The following L3HYPDH variants were observed in gnomAD, a reference collection of about 807,000 sequenced individuals.
L3HYPDH encodes trans-L-3-hydroxyproline dehydratase, also known as trans-3-hydroxy-L-proline dehydratase.
Under a neutral mutation model 26.5 loss-of-function variants are expected in L3HYPDH, and 32 were observed. That is an observed-to-expected ratio of 1.21 (90% CI 0.91 to 1.62). L3HYPDH has a LOEUF of 1.62. Ranked by LOEUF, L3HYPDH falls within the 40% of genes most tolerant of loss-of-function variation. The probability of loss-of-function intolerance (pLI) is 0.00; values close to 1 mark genes in which losing one functional copy is unlikely to be tolerated. For synonymous variants in L3HYPDH, 215 were observed against 196.6 expected (o/e 1.09, Z -0.78); for missense variants, 554 against 476.4 (o/e 1.16, Z -1.52).
downstream of L3HYPDH, among the ~76,000 whole-genome samples, chr14:59,472,093 C>T (rs557359602): frequency 6.6e-6 from 1 of 152,332 alleles, no homozygotes; most frequent in East Asian, 1.9e-4. Flanking sequence ...AAAGACTCTA[C>T]TGAATTCTCA....
chr14:59,477,095 T>A (rs1367642235), intron 2 of L3HYPDH, among the ~76,000 whole-genome samples: 1 of 152,200 alleles, frequency 6.6e-6, no homozygotes, highest in African/African-American at 2.4e-5. Flanking sequence ...GGCCTGCAGA[T>A]TGAATCTTTG....
chr14:59,503,482 C>G, the L3HYPDH span, among the ~76,000 whole-genome samples: 3 of 152,136 alleles, frequency 2.0e-5, no homozygotes, highest in Non-Finnish European at 4.4e-5. Flanking sequence ...CCTGTAGATC[C>G]ATAGCAACAG....
chr14:59,502,702 AT>A, the L3HYPDH span, among the ~76,000 whole-genome samples: 1 of 148,540 alleles, frequency 6.7e-6, no homozygotes, highest in East Asian at 2.0e-4. Flanking sequence ...CTAGGGAAAG[AT>A]TTGAGGGAGA....
chr14:59,476,257 G>C, intron 2 of L3HYPDH, 43 bp from the exon 3 acceptor site: 2 of 1,411,010 alleles, frequency 1.4e-6, no homozygotes, highest in South Asian at 1.3e-5. Flanking sequence ...TAAATATTTT[G>C]ATTCAAATTT....
upstream of L3HYPDH, among the ~76,000 whole-genome samples, chr14:59,488,785 A>G (rs1412392663): frequency 1.3e-5 from 2 of 152,178 alleles, no homozygotes; most frequent in South Asian, 2.1e-4. Flanking sequence ...GCTGTCTGAA[A>G]TACTCTCTTC....
downstream of L3HYPDH, among the ~76,000 whole-genome samples, chr14:59,469,558 TAAAAAAAAAAAAAA>T (rs36113229): frequency 1.2e-4 from 5 of 43,312 alleles, no homozygotes; most frequent in South Asian, 1.4e-3. Context: ...TCCATCTCAT[TAAAAAAAAAAAAAA>T]AAAAAAAAAA....
rs1448708230 is a variant in L3HYPDH at position 59,473,056 on chromosome 14, A to T, written c.974T>A (p.Val325Glu). Residue 325 changes from valine to glutamate, a missense_variant, in exon 5 of 5, where the codon GTG becomes GAG. Coordinates refer to ENST00000247194, the MANE Select transcript of L3HYPDH (RefSeq NM_144581.2). ...AKCGDFKAVI[V>E]EVSGQAHYTG... is the part of the protein sequence containing the mutation. ...GTAATGGGCTTGTCCTGATACTTCC[A>T]CTATAACAGCTTTAAAATCACCACA... The T allele has an allele frequency of 5.0e-6, 8 of 1,604,128 alleles. No homozygotes were observed. The highest frequency in any genetic ancestry group is 6.8e-6 in the Non-Finnish European group (8 of 1,176,606).
chr14:59,483,432 C>T (rs747490638), intron 1 of L3HYPDH: 9 of 979,048 alleles, frequency 9.2e-6, no homozygotes, highest in Non-Finnish European at 1.0e-5. Flanking sequence ...ATATTCTCAG[C>T]CAGCCTGGAA....
chr14:59,490,728 G>GT, the L3HYPDH span, among the ~76,000 whole-genome samples: 1 of 152,192 alleles, frequency 6.6e-6, no homozygotes, highest in African/African-American at 2.4e-5. Context: ...CTTTCATCCA[G>GT]TTTTTAATTT....
rs749880688 is a variant in L3HYPDH at position 59,479,128 on chromosome 14, T to G, written c.678+54A>C. The G allele has an allele frequency of 1.6e-5, 21 of 1,300,744 alleles. No homozygotes were observed. The East Asian group carries it at 5.1e-4, about 31-fold the overall frequency. 80.6% of individuals were successfully genotyped at this position (1,300,744 alleles called of 1,614,324 possible). ...TTCTTTATAGACATAATAATGTATATTTCCTCCATGCCACAGAGAAGGGAA... is the reference window on the plus strand; with the variant it reads ...TTCTTTATAGACATAATAATGTATAGTTCCTCCATGCCACAGAGAAGGGAA... On this transcript the variant is annotated intron_variant, in intron 2 of 4. Transcript: ENST00000247194.
the L3HYPDH span, among the ~76,000 whole-genome samples, chr14:59,492,821 C>A: frequency 7.4e-6 from 1 of 135,144 alleles, no homozygotes; most frequent in Admixed American, 8.0e-5. Context: ...TTTTTTGAGA[C>A]GAGTCTTGCT....
At chr14:59,500,064 G>A in the L3HYPDH span, among the ~76,000 whole-genome samples, 3 of 152,138 alleles carry the variant, frequency 2.0e-5, no homozygotes, top group Non-Finnish European at 4.4e-5. Flanking sequence ...CCTTTTTACT[G>A]TATATGGCTT....
Position 59,484,329 on chromosome 14 carries a change from G to C in L3HYPDH, c.-13C>G, listed in dbSNP as rs1042143246. On this transcript the variant is annotated 5_prime_UTR_variant, in exon 1 of 5. Coordinates refer to ENST00000247194, the MANE Select transcript of L3HYPDH (RefSeq NM_144581.2). The stretch of plus-strand genomic sequence containing the variant: ...GCGCGCTCTCCATGGTCTGCGTCGG[G>C]GGAGACGAGTACGGTCCCGCAGCTA... The C allele has an allele frequency of 2.5e-6, 4 of 1,574,984 alleles. No individual in the cohort carries two copies. The East Asian group carries it at 6.7e-5, about 26-fold the overall frequency.
the L3HYPDH span, chr14:59,504,604 G>T: frequency 6.6e-6 from 1 of 152,588 alleles, no homozygotes; most frequent in African/African-American, 2.4e-5. Flanking sequence ...TGCAAAAATA[G>T]ATAATAATTT....
chr14:59,495,062 G>T, the L3HYPDH span: 1 of 1,613,734 alleles, frequency 6.2e-7, no homozygotes, highest in Non-Finnish European at 8.5e-7. Context: ...TTTGAATGCA[G>T]CATGGCAGCT....
the L3HYPDH span, among the ~76,000 whole-genome samples, chr14:59,490,818 A>T: frequency 3.9e-4 from 59 of 152,322 alleles, no homozygotes; most frequent in African/African-American, 1.4e-3. Context: ...TGTCCAGTCA[A>T]TTGGTGGGAA....
intron 2 of L3HYPDH, among the ~76,000 whole-genome samples, chr14:59,476,975 G>C (rs747845233): frequency 6.6e-6 from 1 of 152,138 alleles, no homozygotes; most frequent in Non-Finnish European, 1.5e-5. Flanking sequence ...GACTTCCCTT[G>C]TATATGCTTA....
intron 4 of L3HYPDH, chr14:59,474,377 G>C (rs1889480639): frequency 1.6e-6 from 1 of 606,744 alleles, no homozygotes; most frequent in African/African-American, 1.9e-5. Context: ...CTCCACAGTT[G>C]TTCAGCTGCT....
upstream of L3HYPDH, chr14:59,485,223 C>T (rs2139848242): frequency 8.2e-7 from 1 of 1,223,106 alleles, no homozygotes; most frequent in Admixed American, 2.3e-5. Flanking sequence ...TATTAAGCAT[C>T]TACTAGATGT....
Sources: allele counts gnomAD v4.1 joint callset (sites outside exome capture counted in the v4.1 genomes callset), GRCh38; gene constraint gnomAD v4.1.1; transcripts MANE v1.5; gene names NCBI Gene and HGNC (gene_info 2026-07-23, HGNC 2026-07-21).